Variants in CYP7B1 observed in about 807,000 individuals in gnomAD.
CYP7B1 encodes the protein cytochrome P450 7B1.
Under a neutral mutation model 42.7 loss-of-function variants are expected in CYP7B1, and 29 were observed. That is an observed-to-expected ratio of 0.68 (90% CI 0.51 to 0.93). The LOEUF (loss-of-function observed/expected upper bound fraction) is 0.93. CYP7B1 is among the 40% of genes least tolerant of loss of function. CYP7B1 has a pLI of 0.00. For synonymous variants in CYP7B1, 235 were observed against 218.2 expected (o/e 1.08, Z -0.68); for missense variants, 655 against 600.5 (o/e 1.09, Z -0.95).
intron 1 of CYP7B1, among the ~76,000 whole-genome samples, chr8:64,757,006 G>A (rs1234487673): frequency 6.6e-6 from 1 of 152,198 alleles, no homozygotes; most frequent in Non-Finnish European, 1.5e-5. Flanking sequence ...CAGGTCTCCA[G>A]TTGACTCACT....
chr8:64,675,037 T>A (rs986669323), intron 1 of CYP7B1, among the ~76,000 whole-genome samples: 2 of 152,082 alleles, frequency 1.3e-5, no homozygotes, highest in African/African-American at 4.8e-5. Flanking sequence ...GGGTGGTAAG[T>A]TAGAATATTT....
intron 1 of CYP7B1, among the ~76,000 whole-genome samples, chr8:64,720,702 A>G (rs547743435): frequency 4.3e-4 from 65 of 152,180 alleles, no homozygotes; most frequent in Non-Finnish European, 6.2e-4. Context: ...TGCATACTTT[A>G]AAAGACACAT....
intron 5 of CYP7B1, among the ~76,000 whole-genome samples, chr8:64,602,993 TG>T (rs1805224768): frequency 6.6e-6 from 1 of 152,174 alleles, no homozygotes; most frequent in Non-Finnish European, 1.5e-5. Flanking sequence ...AAGGAAACAA[TG>T]GCGTGACAAT....
intron 1 of CYP7B1, among the ~76,000 whole-genome samples, chr8:64,649,091 C>T (rs1805997738): frequency 6.6e-6 from 1 of 152,134 alleles, no homozygotes; most frequent in Non-Finnish European, 1.5e-5. Flanking sequence ...GAACGGTTTT[C>T]ATCTTCCACC....
At chr8:64,697,181 G>A (rs1305374097) in intron 1 of CYP7B1, among the ~76,000 whole-genome samples, 1 of 152,176 alleles carries the variant, frequency 6.6e-6, no homozygotes, top group Non-Finnish European at 1.5e-5. Flanking sequence ...TGCCTGGCAG[G>A]TTCTGTGTTA....
chr8:64,762,704 T>C (rs1807907359), intron 1 of CYP7B1, among the ~76,000 whole-genome samples: 2 of 152,200 alleles, frequency 1.3e-5, no homozygotes, highest in Non-Finnish European at 2.9e-5. Context: ...ATTATTCACA[T>C]AAAAGTTCAA....
At chr8:64,704,170 C>T (rs1322763395) in intron 1 of CYP7B1, 1 of 151,998 alleles carries the variant, frequency 6.6e-6, no homozygotes, top group Non-Finnish European at 1.5e-5. Flanking sequence ...GAAATAAAAA[C>T]TCTTTTTTTA....
intron 1 of CYP7B1, among the ~76,000 whole-genome samples, chr8:64,772,662 T>TAGAC (rs960191769): frequency 6.6e-6 from 1 of 152,202 alleles, no homozygotes; most frequent in African/African-American, 2.4e-5. Context: ...TACAGGTGTC[T>TAGAC]GGCTTCTACC....
chr8:64,643,781 A>C (rs1393634159), intron 1 of CYP7B1, among the ~76,000 whole-genome samples: 1 of 152,198 alleles, frequency 6.6e-6, no homozygotes, highest in East Asian at 1.9e-4. Context: ...CAGCATCCTC[A>C]TTAGGAGTAG....
intron 1 of CYP7B1, among the ~76,000 whole-genome samples, chr8:64,681,533 A>C (rs2129631951): frequency 6.6e-6 from 1 of 152,346 alleles, no homozygotes; most frequent in Non-Finnish European, 1.5e-5. Flanking sequence ...AGGTTAGTTT[A>C]TAAAAAAATT....
intron 1 of CYP7B1, among the ~76,000 whole-genome samples, chr8:64,768,385 C>T (rs1263025725): frequency 1.3e-5 from 2 of 151,366 alleles, no homozygotes; most frequent in African/African-American, 4.8e-5. Flanking sequence ...GTGTTATTTA[C>T]ATTTCAGAGA....
intron 1 of CYP7B1, among the ~76,000 whole-genome samples, chr8:64,723,554 T>A (rs1807276866): frequency 6.6e-6 from 1 of 152,246 alleles, no homozygotes; most frequent in Admixed American, 6.5e-5. Flanking sequence ...AGTCAAGATT[T>A]GTAAAAGTCG....
intron 1 of CYP7B1, among the ~76,000 whole-genome samples, chr8:64,776,647 C>A (rs955744587): frequency 2.6e-5 from 4 of 152,048 alleles, no homozygotes; most frequent in Admixed American, 6.6e-5. Flanking sequence ...AGCATATGCT[C>A]CCCCACAATA....
At chr8:64,673,675 C>T (rs1353723376) in intron 1 of CYP7B1, among the ~76,000 whole-genome samples, 2 of 152,006 alleles carry the variant, frequency 1.3e-5, no homozygotes, top group African/African-American at 4.8e-5. Context: ...TTCTTTCCTG[C>T]TCTGAGTAAG....
chr8:64,633,219 A>C (rs1157294261), intron 1 of CYP7B1, among the ~76,000 whole-genome samples: 1 of 152,218 alleles, frequency 6.6e-6, no homozygotes, highest in African/African-American at 2.4e-5. Flanking sequence ...GTGGTTTATC[A>C]TTCAGACTGA....
At chr8:64,768,541 T>C (rs988566674) in intron 1 of CYP7B1, among the ~76,000 whole-genome samples, 2 of 152,218 alleles carry the variant, frequency 1.3e-5, no homozygotes, top group Non-Finnish European at 2.9e-5. Context: ...TAAACAATCA[T>C]CGAGTTATTC....
chr8:64,650,507 G>T (rs538981175), intron 1 of CYP7B1, among the ~76,000 whole-genome samples: 1 of 152,062 alleles, frequency 6.6e-6, no homozygotes, highest in African/African-American at 2.4e-5. Flanking sequence ...AATTAGCTGG[G>T]CATGGTGGCA....
At chr8:64,729,535 TGTTA>T (rs1807377584) in intron 1 of CYP7B1, among the ~76,000 whole-genome samples, 2 of 152,374 alleles carry the variant, frequency 1.3e-5, no homozygotes, top group South Asian at 4.1e-4. Context: ...AAAACTCTTA[TGTTA>T]GTTATAAATG....
At chr8:64,750,045 C>T (rs1307074628) in intron 1 of CYP7B1, among the ~76,000 whole-genome samples, 2 of 152,144 alleles carry the variant, frequency 1.3e-5, no homozygotes, top group Non-Finnish European at 2.9e-5. Flanking sequence ...TAAAATGCTC[C>T]TAGACATTTA....
Sources: gnomAD v4.1 joint callset for allele counts (sites outside exome capture counted in the v4.1 genomes callset) on GRCh38, gnomAD v4.1.1 for gene constraint, MANE v1.5 for transcripts, NCBI Gene and HGNC (gene_info 2026-07-23, HGNC 2026-07-21) for gene names.